Variants in CLNK observed in about 807,000 individuals in gnomAD.
CLNK encodes the protein cytokine-dependent hematopoietic cell linker.
CLNK carries 74 observed loss-of-function variants against 68.6 expected under a neutral mutation model. The observed-to-expected ratio is 1.08, with a 90% CI of 0.89 to 1.31. The LOEUF is 1.31. Among genes scored for constraint, CLNK ranks in the 50% most tolerant of loss-of-function variants. CLNK has a pLI of 0.00. For missense variants in CLNK, 553 were observed against 515.3 expected, an observed-to-expected ratio of 1.07 and a Z score of -0.71; for synonymous variants, 198 against 172.2, an observed-to-expected ratio of 1.15 and a Z score of -1.17.
intron 11 of CLNK, among the ~76,000 whole-genome samples, chr4:10,532,783 A>G (rs565207001): frequency 2.0e-5 from 3 of 152,360 alleles, no homozygotes; most frequent in Non-Finnish European, 4.4e-5. Context: ...ATTGAATGGT[A>G]GAGAAAAAAT....
intron 1 of CLNK, among the ~76,000 whole-genome samples, chr4:10,670,586 G>A (rs574896556): frequency 1.3e-5 from 2 of 152,322 alleles, no homozygotes; most frequent in African/African-American, 4.8e-5. Context: ...CCCCAGCCCT[G>A]CCATGCACTG....
At chr4:10,713,453 G>A in the CLNK span, among the ~76,000 whole-genome samples, 1 of 152,166 alleles carries the variant, frequency 6.6e-6, no homozygotes, top group African/African-American at 2.4e-5. Context: ...CAGCCAAAAG[G>A]AGGTGGAGGA....
chr4:10,521,386 C>G (rs1250962907), intron 14 of CLNK, among the ~76,000 whole-genome samples: 1 of 152,214 alleles, frequency 6.6e-6, no homozygotes, highest in Non-Finnish European at 1.5e-5. Flanking sequence ...ATGATATTAT[C>G]AAGACTGTTC....
chr4:10,489,030 G>A lies in CLNK; in HGVS notation c.*1437C>T, dbSNP rs555434110. On this transcript the variant is annotated 3_prime_UTR_variant, in exon 19 of 19. Transcript: ENST00000226951. ...TTATTTATTTTAAGGTGGTAAATCTGTATTTTCAAATTGTTTCTATCTTTC... is the reference window on the plus strand; with the variant it reads ...TTATTTATTTTAAGGTGGTAAATCTATATTTTCAAATTGTTTCTATCTTTC... The A allele has an allele frequency of 2.0e-5, 3 of 149,960 alleles. No homozygotes were observed. The East Asian group carries it at 5.9e-4, about 29-fold the overall frequency. 9.3% of individuals were successfully genotyped at this position (149,960 alleles called of 1,614,324 possible). A position where few individuals can be genotyped will look rare whatever the true frequency, so the allele number is the denominator to read the frequency against.
chr4:10,688,228 T>C (rs1427041954), upstream of CLNK, among the ~76,000 whole-genome samples: 2 of 152,200 alleles, frequency 1.3e-5, no homozygotes, highest in Non-Finnish European at 1.5e-5. Flanking sequence ...AGTGATTTAA[T>C]AGCGGATGTG....
the CLNK span, among the ~76,000 whole-genome samples, chr4:10,723,680 A>T: frequency 6.6e-6 from 1 of 152,154 alleles, no homozygotes; most frequent in African/African-American, 2.4e-5. Flanking sequence ...TGCGGTAATA[A>T]CAACATTATT....
intron 2 of CLNK, among the ~76,000 whole-genome samples, chr4:10,599,027 T>C (rs1721487821): frequency 6.6e-6 from 1 of 152,248 alleles, no homozygotes; most frequent in Admixed American, 6.5e-5. Flanking sequence ...TCAGCTCAAG[T>C]GCTACTTCCT....
In CLNK at chr4:10,525,906, C is replaced by T; in HGVS notation, c.666G>A (p.Arg222=). The change falls in exon 14 of 19, where the codon AGG becomes AGA. Residue 222 remains arginine, a synonymous_variant. Coordinates refer to ENST00000226951, the MANE Select transcript of CLNK (RefSeq NM_052964.4). ...CTAACAGATGAGTTGATTCAGGCTT[C>T]CTCTGGTTATGAGGAACTATATAAA... ...LEAEKVPHNQ[R]KPESTHLLEN... 1 of 1,572,670 alleles carries T rather than the reference C, an allele frequency of 6.4e-7. No individual in the cohort carries two copies. Among genetic ancestry groups the T allele is most frequent in the African/African-American group, 1.3e-5 (1 of 74,340 alleles).
chr4:10,568,305 T>C (rs1354934665), intron 5 of CLNK, among the ~76,000 whole-genome samples: 1 of 152,152 alleles, frequency 6.6e-6, no homozygotes, highest in East Asian at 1.9e-4. Flanking sequence ...TGTTGCATGA[T>C]TCTGTTTATA....
intron 2 of CLNK, among the ~76,000 whole-genome samples, chr4:10,642,363 A>G (rs979114418): frequency 6.6e-6 from 1 of 152,194 alleles, no homozygotes; most frequent in African/African-American, 2.4e-5. Flanking sequence ...AAACAATGCA[A>G]AGGAGAGAAA....
At chr4:10,657,198 A>C (rs74957284) in intron 2 of CLNK, among the ~76,000 whole-genome samples, 50 of 152,340 alleles carry the variant, frequency 3.3e-4, no homozygotes, top group African/African-American at 1.2e-3. Flanking sequence ...AAAATCTGTA[A>C]CATGATTCTT....
the CLNK span, among the ~76,000 whole-genome samples, chr4:10,728,803 G>A: frequency 2.6e-5 from 4 of 151,830 alleles, no homozygotes; most frequent in African/African-American, 9.7e-5. Flanking sequence ...CGCCATGTTA[G>A]TTAGCCAGGA....
At chr4:10,671,492 G>A (rs73103725) in intron 1 of CLNK, among the ~76,000 whole-genome samples, 7,560 of 152,206 alleles carry the variant, frequency 0.05, 433 homozygotes, top group East Asian at 0.17. Flanking sequence ...CATTCTACAG[G>A]GGAAACAGCT....
intron 18 of CLNK, among the ~76,000 whole-genome samples, chr4:10,490,904 A>G (rs975827094): frequency 5.3e-5 from 8 of 150,462 alleles, no homozygotes; most frequent in African/African-American, 2.0e-4. Flanking sequence ...AGCTGGGATT[A>G]CAAGCATGCG....
In CLNK at chr4:10,667,916, G is replaced by A; in HGVS notation, c.-42-5C>T. 7.3e-7 allele frequency: 1 copy of A among 1,362,568 alleles called. No homozygotes were observed. The highest frequency in any genetic ancestry group is 9.7e-7 in the Non-Finnish European group (1 of 1,034,534). The allele number at this position is 1,362,568 out of a possible 1,614,324, so 84.4% of individuals were successfully genotyped here. A position where few individuals can be genotyped will look rare whatever the true frequency, so the allele number is the denominator to read the frequency against. On this transcript the variant is annotated splice_polypyrimidine_tract_variant and splice_region_variant and intron_variant, in intron 1 of 18. Transcript: ENST00000226951. ...AAGAGGGATCTTCAATTCAGCCTGT[G>A]GAAACAAAAGCAAACGCGTTACTGG...
At chr4:10,500,065 C>A (rs1716976968) in intron 18 of CLNK, among the ~76,000 whole-genome samples, 1 of 152,164 alleles carries the variant, frequency 6.6e-6, no homozygotes, top group Non-Finnish European at 1.5e-5. Context: ...AAAACTGAGA[C>A]CTGGAGATGT....
intron 8 of CLNK, among the ~76,000 whole-genome samples, chr4:10,549,203 T>C (rs1719351403): frequency 6.6e-6 from 1 of 152,216 alleles, no homozygotes; most frequent in African/African-American, 2.4e-5. Context: ...TACCATGAGC[T>C]TCACTTAATC....
chr4:10,696,093 T>C, the CLNK span, among the ~76,000 whole-genome samples: 234 of 152,282 alleles, frequency 1.5e-3, 2 homozygotes, highest in African/African-American at 5.5e-3. Context: ...TGACCTCAGT[T>C]GATCCACCCA....
At chr4:10,616,792 A>G (rs28402838) in intron 2 of CLNK, among the ~76,000 whole-genome samples, 64 of 1,946 alleles carry the variant, frequency 0.033, no homozygotes, top group African/African-American at 0.044. Context: ...GTGTGTGTGT[A>G]TATATATATA....
Sources: allele counts gnomAD v4.1 joint callset (sites outside exome capture counted in the v4.1 genomes callset), GRCh38; gene constraint gnomAD v4.1.1; transcripts MANE v1.5; gene names NCBI Gene and HGNC (gene_info 2026-07-23, HGNC 2026-07-21).